The following GPC6 variants were observed in gnomAD, a reference collection of about 807,000 sequenced individuals.
The protein encoded by GPC6 is glypican-6.
A neutral mutation model predicts 55.2 loss-of-function variants in GPC6; 14 were observed. The observed-to-expected ratio is 0.25, with a 90% CI of 0.17 to 0.40. The LOEUF (loss-of-function observed/expected upper bound fraction) is 0.40. GPC6 is among the 10% of genes least tolerant of loss of function. The pLI, the probability that GPC6 is intolerant of heterozygous loss-of-function variation, is 1.00. For synonymous variants in GPC6, 278 were observed against 259.6 expected (o/e 1.07, Z -0.68); for missense variants, 641 against 708.5 (o/e 0.90, Z 1.08).
At chr13:93,722,117 A>G (rs1330969086) in intron 2 of GPC6, among the ~76,000 whole-genome samples, 2 of 151,806 alleles carry the variant, frequency 1.3e-5, no homozygotes, top group East Asian at 1.9e-4. Context: ...CTTAATAAAT[A>G]GTAAATATGC....
At chr13:93,528,379 A>T (rs559094247) in intron 1 of GPC6, among the ~76,000 whole-genome samples, 1 of 152,278 alleles carries the variant, frequency 6.6e-6, no homozygotes, top group East Asian at 1.9e-4. Context: ...TATAGATGGT[A>T]GTTGGTTTGA....
At chr13:93,638,826 A>G (rs1332313808) in intron 2 of GPC6, among the ~76,000 whole-genome samples, 1 of 152,164 alleles carries the variant, frequency 6.6e-6, no homozygotes, top group Non-Finnish European at 1.5e-5. Flanking sequence ...ATAATATCTC[A>G]AAATAACTGG....
intron 2 of GPC6, among the ~76,000 whole-genome samples, chr13:93,639,142 G>GTACA (rs1879811095): frequency 5.9e-5 from 9 of 152,060 alleles, no homozygotes; most frequent in Admixed American, 5.9e-4. Flanking sequence ...AATAAAGCAA[G>GTACA]GAGGGGTAAA....
chr13:93,974,875 C>T (rs146918877), intron 3 of GPC6, among the ~76,000 whole-genome samples: 500 of 152,234 alleles, frequency 3.3e-3, no homozygotes, highest in Non-Finnish European at 5.6e-3. Context: ...GATGTAGGCA[C>T]TGCTTTTATC....
chr13:93,559,279 G>C (rs148990029), intron 2 of GPC6, among the ~76,000 whole-genome samples: 1 of 152,158 alleles, frequency 6.6e-6, no homozygotes, highest in East Asian at 1.9e-4. Context: ...CAATTTCAAA[G>C]GCAAATGTCT....
intron 5 of GPC6, among the ~76,000 whole-genome samples, chr13:94,298,325 T>C (rs989418236): frequency 1.4e-4 from 21 of 152,210 alleles, no homozygotes; most frequent in African/African-American, 5.1e-4. Context: ...ACGTGAATGC[T>C]CCCAGGCACA....
intron 2 of GPC6, among the ~76,000 whole-genome samples, chr13:93,554,277 A>G (rs1364627729): frequency 6.6e-6 from 1 of 152,208 alleles, no homozygotes; most frequent in Non-Finnish European, 1.5e-5. Flanking sequence ...TATATTCAAC[A>G]GTAAATTATA....
chr13:93,238,888 A>G (rs1876332495), intron 1 of GPC6, among the ~76,000 whole-genome samples: 1 of 152,158 alleles, frequency 6.6e-6, no homozygotes, highest in Non-Finnish European at 1.5e-5. Context: ...GTGGTGAATT[A>G]CATTTGTTGA....
chr13:94,050,696 C>T (rs1261250360), intron 4 of GPC6, among the ~76,000 whole-genome samples: 2 of 152,152 alleles, frequency 1.3e-5, no homozygotes, highest in Non-Finnish European at 2.9e-5. Context: ...GATTTTTCTA[C>T]TCTCCTTATC....
intron 3 of GPC6, among the ~76,000 whole-genome samples, chr13:93,977,034 C>A (rs1419855549): frequency 6.6e-6 from 1 of 152,062 alleles, no homozygotes; most frequent in Non-Finnish European, 1.5e-5. Context: ...ATGACGGCTC[C>A]TAGCCTGCAG....
chr13:94,074,569 A>T (rs1884842871), intron 4 of GPC6, among the ~76,000 whole-genome samples: 1 of 152,196 alleles, frequency 6.6e-6, no homozygotes, highest in South Asian at 2.1e-4. Flanking sequence ...TGTACCCATG[A>T]CTTCAGATAG....
chr13:93,925,405 G>T (rs1345239890), intron 3 of GPC6, among the ~76,000 whole-genome samples: 1 of 152,096 alleles, frequency 6.6e-6, no homozygotes, highest in East Asian at 1.9e-4. Context: ...TAGAAGAAGA[G>T]AAATAAAAAG....
chr13:93,485,234 C>G (rs1879660104), intron 1 of GPC6, among the ~76,000 whole-genome samples: 1 of 152,116 alleles, frequency 6.6e-6, no homozygotes, highest in Non-Finnish European at 1.5e-5. Flanking sequence ...AAAGGGGAGT[C>G]CCACAGGTAT....
At chr13:94,399,472 T>A (rs1284257421) in intron 8 of GPC6, among the ~76,000 whole-genome samples, 3 of 152,224 alleles carry the variant, frequency 2.0e-5, no homozygotes, top group African/African-American at 4.8e-5. Flanking sequence ...TTGTTGCTTT[T>A]TAAAAATATT....
chr13:93,293,295 TC>T (rs1307841259), intron 1 of GPC6, among the ~76,000 whole-genome samples: 4 of 152,102 alleles, frequency 2.6e-5, no homozygotes, highest in Admixed American at 6.5e-5. Flanking sequence ...AAAAATAACC[TC>T]ATATAGTGTT....
At chr13:93,246,176 AG>A (rs1406174636) in intron 1 of GPC6, among the ~76,000 whole-genome samples, 2 of 152,200 alleles carry the variant, frequency 1.3e-5, no homozygotes, top group African/African-American at 4.8e-5. Flanking sequence ...CTGTTATGCA[AG>A]GCGACTACAT....
chr13:93,882,228 C>T (rs1875035118), intron 3 of GPC6, among the ~76,000 whole-genome samples: 1 of 151,998 alleles, frequency 6.6e-6, no homozygotes, highest in Non-Finnish European at 1.5e-5. Flanking sequence ...GATCTCAACT[C>T]ACTGCAGCCT....
At position 93,317,534 on chromosome 13, in the gene GPC6, T is replaced by G. The variant is rs150833976; in HGVS notation, c.160+89918T>G. 7.2e-5 allele frequency among the ~76,000 whole-genome samples: 11 copies of G among 152,280 alleles called. No homozygotes were observed. The East Asian group carries it at 2.1e-3, about 29-fold the overall frequency. ...TTTCTTTATCCACAACCCAATGTTTTAATGAGATATGCTTTTCTGTTTTGT... is the reference window on the plus strand; with the variant it reads ...TTTCTTTATCCACAACCCAATGTTTGAATGAGATATGCTTTTCTGTTTTGT... On this transcript the variant is annotated intron_variant, in intron 1 of 8. Coordinates refer to ENST00000377047, the MANE Select transcript of GPC6 (RefSeq NM_005708.5).
At chr13:93,866,400 T>A (rs762287005) in intron 3 of GPC6, among the ~76,000 whole-genome samples, 1 of 151,698 alleles carries the variant, frequency 6.6e-6, no homozygotes, top group Non-Finnish European at 1.5e-5. Context: ...TTCCTTTTAG[T>A]ATATACCCAG....
Sources: allele counts gnomAD v4.1 joint callset (sites outside exome capture counted in the v4.1 genomes callset), GRCh38; gene constraint gnomAD v4.1.1; transcripts MANE v1.5; gene names NCBI Gene and HGNC (gene_info 2026-07-23, HGNC 2026-07-21).